Variants in CCDC166 observed in about 807,000 individuals in gnomAD.
CCDC166 encodes coiled-coil domain-containing protein 166.
In CCDC166, 17 loss-of-function variants were observed where a neutral mutation model predicts 14.4. That is an observed-to-expected ratio of 1.18 (90% CI 0.81 to 1.77). CCDC166 has a LOEUF of 1.77. Among genes scored for constraint, CCDC166 ranks in the 40% most tolerant of loss-of-function variants. The pLI is 0.00. For synonymous variants in CCDC166, 336 were observed against 330.1 expected, an observed-to-expected ratio of 1.02 and a Z score of -0.20; for missense variants, 738 against 665.8, an observed-to-expected ratio of 1.11 and a Z score of -1.19.
In CCDC166 at chr8:143,707,453, C is replaced by A; in HGVS notation, c.561G>T (p.Lys187Asn). ...GACGCGCCTCGCGCTCGAAGGCCGCCTTGTCCTCCAGGAAGCGCCGCTTCA... is the reference window on the plus strand; with the variant it reads ...GACGCGCCTCGCGCTCGAAGGCCGCATTGTCCTCCAGGAAGCGCCGCTTCA... ...HRVKRRFLED[K>N]AAFEREARQR... Residue 187 changes from lysine to asparagine, a missense_variant, in exon 2 of 2, where the codon AAG becomes AAT. By Grantham distance (94) the Lys-to-Asn change is moderately conservative. Coordinates refer to ENST00000542437, the MANE Select transcript of CCDC166 (RefSeq NM_001162914.1). This position sits in a 1 kb window ranked among gnomAD's most constrained non-coding sequence, Gnocchi z 8.0. The A allele has an allele frequency of 6.8e-7, 1 of 1,477,806 alleles. No individual in the cohort carries two copies. Among genetic ancestry groups the A allele is most frequent in the Non-Finnish European group, 8.9e-7 (1 of 1,122,006 alleles). 91.5% of individuals were successfully genotyped at this position (1,477,806 alleles called of 1,614,324 possible). A position where few individuals can be genotyped will look rare whatever the true frequency, so the allele number is the denominator to read the frequency against.
chr8:143,707,393 C>T lies in CCDC166; in HGVS notation c.621G>A (p.Arg207=), dbSNP rs1554616797. The T allele has an allele frequency of 1.4e-6, 2 of 1,425,614 alleles. No individual in the cohort carries two copies. 88.3% of individuals were successfully genotyped at this position (1,425,614 alleles called of 1,614,324 possible). Residue 207 remains arginine, a synonymous_variant, in exon 2 of 2, where the codon CGG becomes CGA. Coordinates refer to ENST00000542437, the MANE Select transcript of CCDC166 (RefSeq NM_001162914.1). This position sits in a 1 kb window ranked among gnomAD's most constrained non-coding sequence, Gnocchi z 8.0. ...GCGCCACAAGCGCGCGCACCGCCTC[C>T]CGCTCCGCGCGCCGCGCCAGTGACT... is the stretch of plus-strand genomic sequence containing the variant. ...RVQSLARRAE[R]EAVRALVAHT... is the part of the protein sequence containing the mutation.
Position 143,707,348 on chromosome 8 carries a change from C to G in CCDC166, c.666G>C (p.Ala222=). Residue 222 remains alanine (A), a synonymous_variant, in exon 2 of 2, where the codon GCG becomes GCC. Transcript: ENST00000542437. This position sits in a 1 kb window ranked among gnomAD's most constrained non-coding sequence, Gnocchi z 8.0. The stretch of plus-strand genomic sequence containing the variant: ...GCTCCTGCCGCAGGCGTCCGTTGTC[C>G]GCTTTGATGGCCTGCGTGTGCGCCA... ...ALVAHTQAIK[A]DNGRLRQELL... is the part of the protein sequence containing the mutation. 2 of 1,405,498 alleles carry G rather than the reference C, an allele frequency of 1.4e-6. No individual in the cohort carries two copies. The allele number at this position is 1,405,498 out of a possible 1,614,324, so 87.1% of individuals were successfully genotyped here.
At position 143,707,695 on chromosome 8, in the gene CCDC166, G is replaced by A; in HGVS notation, c.415C>T (p.Gln139Ter). 6.7e-7 allele frequency: 1 copy of A among 1,491,274 alleles called. No individual in the cohort carries two copies. Among genetic ancestry groups the A allele is most frequent in the Non-Finnish European group, 8.9e-7 (1 of 1,120,972 alleles). 92.4% of individuals were successfully genotyped at this position (1,491,274 alleles called of 1,614,324 possible). A position where few individuals can be genotyped will look rare whatever the true frequency, so the allele number is the denominator to read the frequency against. ...EMEARAAQMAQQVQELQPYKV... is the reference protein window; with the variant it reads ...EMEARAAQMA ...TAGGGCTGCAGCTCTTGCACCTGCT[G>A]TGCCATCTGTGCCGCGCGCGCCTCC... Residue 139 changes from glutamine (Q) to a stop codon, truncating the protein, a stop_gained, in exon 1 of 2, where the codon CAG (glutamine) becomes TAG (stop). Coordinates refer to ENST00000542437, the MANE Select transcript of CCDC166 (RefSeq NM_001162914.1). LOFTEE classifies it low-confidence loss of function (END_TRUNC). This position sits in a 1 kb window ranked among gnomAD's most constrained non-coding sequence, Gnocchi z 8.0.
Position 143,708,025 on chromosome 8 carries a change from C to A in CCDC166, c.85G>T (p.Glu29Ter). The part of the protein sequence containing the change: ...AAAGAEQPLS[E>*]RAQYLQREHA... ...TCGCGTTGCAGGTACTGCGCGCGCT[C>A]CGATAGCGGCTGCTCGGCACCCGCG... Residue 29 changes from glutamate to a stop codon, truncating the protein, a stop_gained, in exon 1 of 2, where the codon GAG (glutamate) becomes TAG (stop). Coordinates refer to ENST00000542437, the MANE Select transcript of CCDC166 (RefSeq NM_001162914.1). LOFTEE classifies it high-confidence loss of function. The A allele has an allele frequency of 4.0e-6, 6 of 1,507,674 alleles. No homozygotes were observed. Among genetic ancestry groups the A allele is most frequent in the Non-Finnish European group, 5.3e-6 (6 of 1,126,178 alleles). The allele number at this position is 1,507,674 out of a possible 1,614,324, so 93.4% of individuals were successfully genotyped here. A position where few individuals can be genotyped will look rare whatever the true frequency, so the allele number is the denominator to read the frequency against.
In CCDC166 at chr8:143,707,507, G is replaced by T; in HGVS notation, c.507C>A (p.Arg169=). 1 of 1,419,510 alleles carries T rather than the reference G, an allele frequency of 7.0e-7. No individual in the cohort carries two copies. Among genetic ancestry groups the T allele is most frequent in the Non-Finnish European group, 9.1e-7 (1 of 1,093,674 alleles). 87.9% of individuals were successfully genotyped at this position (1,419,510 alleles called of 1,614,324 possible). A position where few individuals can be genotyped will look rare whatever the true frequency, so the allele number is the denominator to read the frequency against. ...GGTGGAGCAGCTGCGTGTGCTCCACGCGCATATGCAGCAGCTCGCGCTCCA... is the reference window on the plus strand; with the variant it reads ...GGTGGAGCAGCTGCGTGTGCTCCACTCGCATATGCAGCAGCTCGCGCTCCA... The part of the protein sequence containing the change: ...RALERELLHM[R]VEHTQLLHRV... The change falls in exon 2 of 2, where the codon CGC becomes CGA. Residue 169 remains arginine (R), a synonymous_variant. Transcript: ENST00000542437. The surrounding 1 kb of genome is among the most constrained non-coding windows in gnomAD (Gnocchi z 8.0).
Position 143,706,706 on chromosome 8 carries a change from C to T in CCDC166, c.1308G>A (p.Pro436=), listed in dbSNP as rs782398679. Reference sequence around the variant, plus strand: ...ACTCTCTGCAGGTTCAGGCTCTACCCGGGGAGGCTTCTGCCGCAGCTTCAG... The same window carrying T: ...ACTCTCTGCAGGTTCAGGCTCTACCTGGGGAGGCTTCTGCCGCAGCTTCAG... ...VNAEAAAEAS[P]GRA Residue 436 remains proline, a synonymous_variant, in exon 2 of 2, where the codon CCG becomes CCA. Coordinates refer to ENST00000542437, the MANE Select transcript of CCDC166 (RefSeq NM_001162914.1). 3.2e-6 allele frequency: 5 copies of T among 1,543,740 alleles called. No homozygotes were observed. Among genetic ancestry groups the T allele is most frequent in the East Asian group, 2.5e-5 (1 of 40,714 alleles).
At position 143,707,683 on chromosome 8, in the gene CCDC166, C is replaced by T. The variant is rs1554616875; in HGVS notation, c.427G>A (p.Glu143Lys). 6.8e-7 allele frequency: 1 copy of T among 1,469,154 alleles called. No homozygotes were observed. Among genetic ancestry groups the T allele is most frequent in the Admixed American group, 2.3e-5 (1 of 43,788 alleles). The allele number at this position is 1,469,154 out of a possible 1,614,324, so 91.0% of individuals were successfully genotyped here. ...RAAQMAQQVQ[E>K]LQPYKVLQLE... is the part of the protein sequence containing the mutation. ...TCACTGGCCTTGTAGGGCTGCAGCT[C>T]TTGCACCTGCTGTGCCATCTGTGCC... Residue 143 changes from glutamate (E) to lysine (K), a missense_variant, in exon 1 of 2, where the codon GAG becomes AAG. Transcript: ENST00000542437. This position sits in a 1 kb window ranked among gnomAD's most constrained non-coding sequence, Gnocchi z 8.0.
In CCDC166 at chr8:143,706,997, T is replaced by C. The variant is rs1554616669; in HGVS notation, c.1017A>G (p.Leu339=). The part of the protein sequence containing the change: ...REASRVPSLV[L]SSMDSRVPSL... ...ATGGGACCCTGGAGTCCATGCTCGATAGCACCAACGAGGGGACCCGGGAAG... is the reference window on the plus strand; with the variant it reads ...ATGGGACCCTGGAGTCCATGCTCGACAGCACCAACGAGGGGACCCGGGAAG... Residue 339 remains leucine, a synonymous_variant, in exon 2 of 2, where the codon CTA becomes CTG. Coordinates refer to ENST00000542437, the MANE Select transcript of CCDC166 (RefSeq NM_001162914.1). 2.0e-5 allele frequency: 31 copies of C among 1,538,918 alleles called. No homozygotes were observed. Among genetic ancestry groups the C allele is most frequent in the Non-Finnish European group, 2.6e-5 (30 of 1,146,770 alleles).
chr8:143,707,613 C>A lies in CCDC166; in HGVS notation c.445-44G>T. On this transcript the variant is annotated intron_variant, in intron 1 of 1. Coordinates refer to ENST00000542437, the MANE Select transcript of CCDC166 (RefSeq NM_001162914.1). This position sits in a 1 kb window ranked among gnomAD's most constrained non-coding sequence, Gnocchi z 8.0. The stretch of plus-strand genomic sequence containing the variant: ...CAGCTCACCCCCACCCCGCCCCCGG[C>A]CCGGCCACCAGCCCCGCCCCGCCTC... 2.2e-6 allele frequency: 3 copies of A among 1,348,864 alleles called. No individual in the cohort carries two copies. Among genetic ancestry groups the A allele is most frequent in the Middle Eastern group, 2.8e-4 (1 of 3,620 alleles). The allele number at this position is 1,348,864 out of a possible 1,614,324, so 83.6% of individuals were successfully genotyped here.
Position 143,707,068 on chromosome 8 carries a change from A to G in CCDC166, c.946T>C (p.Ser316Pro). The change falls in exon 2 of 2, where the codon TCG becomes CCG. Residue 316 changes from serine (S) to proline (P), a missense_variant. By Grantham distance (74) the Ser-to-Pro change is moderately conservative. Transcript: ENST00000542437. This position sits in a 1 kb window ranked among gnomAD's most constrained non-coding sequence, Gnocchi z 8.0. Reference sequence around the variant, plus strand: ...GACGAGGCCCGGGGGGCCGCGCGCGACGGTACCACAGACGGGGTCTGGGAG... The same window carrying G: ...GACGAGGCCCGGGGGGCCGCGCGCGGCGGTACCACAGACGGGGTCTGGGAG... ...AASQTPSVVP[S>P]RAAPRASSVV... 6.5e-7 allele frequency: 1 copy of G among 1,532,116 alleles called. No individual in the cohort carries two copies. Among genetic ancestry groups the G allele is most frequent in the South Asian group, 1.2e-5 (1 of 83,790 alleles). 94.9% of individuals were successfully genotyped at this position (1,532,116 alleles called of 1,614,324 possible).
At position 143,707,444 on chromosome 8, in the gene CCDC166, G is replaced by T. The variant is rs1458919888; in HGVS notation, c.570C>A (p.Phe190Leu). Reference protein sequence around the residue: ...KRRFLEDKAAFEREARQRVQS... With the variant: ...KRRFLEDKAALEREARQRVQS... ...GCACGCGCTGACGCGCCTCGCGCTC[G>T]AAGGCCGCCTTGTCCTCCAGGAAGC... Residue 190 changes from phenylalanine (F) to leucine (L), a missense_variant, in exon 2 of 2, where the codon TTC becomes TTA. Phe to Leu is a conservative substitution (Grantham distance 22, BLOSUM62 0). Coordinates refer to ENST00000542437, the MANE Select transcript of CCDC166 (RefSeq NM_001162914.1). The surrounding 1 kb of genome is among the most constrained non-coding windows in gnomAD (Gnocchi z 8.0). The T allele has an allele frequency of 8.8e-6, 13 of 1,476,076 alleles. No homozygotes were observed. In the African/African-American group the frequency reaches 8.9e-5, roughly 10 times the overall value. The allele number at this position is 1,476,076 out of a possible 1,614,324, so 91.4% of individuals were successfully genotyped here. A position where few individuals can be genotyped will look rare whatever the true frequency, so the allele number is the denominator to read the frequency against.
Position 143,707,234 on chromosome 8 carries a change from C to T in CCDC166, c.780G>A (p.Glu260=), listed in dbSNP as rs1300621758. 3.5e-6 allele frequency: 5 copies of T among 1,433,948 alleles called. No individual in the cohort carries two copies. The African/African-American group carries it at 6.0e-5, about 17-fold the overall frequency. The allele number at this position is 1,433,948 out of a possible 1,614,324, so 88.8% of individuals were successfully genotyped here. ...GCACACGCGCCAGGTCCCGCGTGTC[C>T]TCGTGCTCGCGGTGCAGTTGCTCGC... ...EQREQLHREH[E]DTRDLARVHG... The change falls in exon 2 of 2, where the codon GAG becomes GAA. Residue 260 remains glutamate, a synonymous_variant. Coordinates refer to ENST00000542437, the MANE Select transcript of CCDC166 (RefSeq NM_001162914.1). This position sits in a 1 kb window ranked among gnomAD's most constrained non-coding sequence, Gnocchi z 8.0.
chr8:143,707,438 G>C lies in CCDC166; in HGVS notation c.576C>G (p.Arg192=). The stretch of plus-strand genomic sequence containing the variant: ...GTGACTGCACGCGCTGACGCGCCTC[G>C]CGCTCGAAGGCCGCCTTGTCCTCCA... ...RFLEDKAAFE[R]EARQRVQSLA... Residue 192 remains arginine, a synonymous_variant, in exon 2 of 2, where the codon CGC becomes CGG. Transcript: ENST00000542437. The surrounding 1 kb of genome is among the most constrained non-coding windows in gnomAD (Gnocchi z 8.0). 2.7e-6 allele frequency: 4 copies of C among 1,475,722 alleles called. No individual in the cohort carries two copies. Among genetic ancestry groups the C allele is most frequent in the Non-Finnish European group, 3.6e-6 (4 of 1,121,110 alleles). 91.4% of individuals were successfully genotyped at this position (1,475,722 alleles called of 1,614,324 possible).
chr8:143,707,776 G>A lies in CCDC166; in HGVS notation c.334C>T (p.Leu112=). 4 of 1,539,958 alleles carry A rather than the reference G, an allele frequency of 2.6e-6. No homozygotes were observed. The highest frequency in any genetic ancestry group is 1.2e-5 in the South Asian group (1 of 84,014). The change falls in exon 1 of 2, where the codon CTG becomes TTG. Residue 112 remains leucine, a synonymous_variant. Transcript: ENST00000542437. The surrounding 1 kb of genome is among the most constrained non-coding windows in gnomAD (Gnocchi z 8.0). ...LAQIHWQRAE[L]ASLYHGREDG... ...TCGCGCCCGTGGTAGAGCGAGGCCA[G>A]TTCCGCCCGCTGCCAGTGGATCTGC...
Position 143,707,438 on chromosome 8 carries a change from G to A in CCDC166, c.576C>T (p.Arg192=), listed in dbSNP as rs782508870. Residue 192 remains arginine (R), a synonymous_variant, in exon 2 of 2, where the codon CGC becomes CGT. Transcript: ENST00000542437. This position sits in a 1 kb window ranked among gnomAD's most constrained non-coding sequence, Gnocchi z 8.0. Reference sequence around the variant, plus strand: ...GTGACTGCACGCGCTGACGCGCCTCGCGCTCGAAGGCCGCCTTGTCCTCCA... The same window carrying A: ...GTGACTGCACGCGCTGACGCGCCTCACGCTCGAAGGCCGCCTTGTCCTCCA... ...RFLEDKAAFE[R]EARQRVQSLA... 25 of 1,475,722 alleles carry A rather than the reference G, an allele frequency of 1.7e-5. No homozygotes were observed. In the South Asian group the frequency reaches 3.2e-4, roughly 19 times the overall value. The allele number at this position is 1,475,722 out of a possible 1,614,324, so 91.4% of individuals were successfully genotyped here.
At position 143,707,615 on chromosome 8, in the gene CCDC166, C is replaced by G. The variant is rs1243025627; in HGVS notation, c.445-46G>C. The stretch of plus-strand genomic sequence containing the variant: ...GCTCACCCCCACCCCGCCCCCGGCC[C>G]GGCCACCAGCCCCGCCCCGCCTCAC... On this transcript the variant is annotated intron_variant, in intron 1 of 1. Transcript: ENST00000542437. This position sits in a 1 kb window ranked among gnomAD's most constrained non-coding sequence, Gnocchi z 8.0. 3.0e-6 allele frequency: 4 copies of G among 1,350,872 alleles called. No homozygotes were observed. The highest frequency in any genetic ancestry group is 3.8e-6 in the Non-Finnish European group (4 of 1,057,292). The allele number at this position is 1,350,872 out of a possible 1,614,324, so 83.7% of individuals were successfully genotyped here.
rs1554616875 is a variant in CCDC166, at chr8:143,707,683, C to G, written c.427G>C (p.Glu143Gln). 8 of 1,469,154 alleles carry G rather than the reference C, an allele frequency of 5.4e-6. No individual in the cohort carries two copies. The highest frequency in any genetic ancestry group is 7.2e-6 in the Non-Finnish European group (8 of 1,111,048). The allele number at this position is 1,469,154 out of a possible 1,614,324, so 91.0% of individuals were successfully genotyped here. Residue 143 changes from glutamate to glutamine, a missense_variant, in exon 1 of 2, where the codon GAG becomes CAG. Transcript: ENST00000542437. This position sits in a 1 kb window ranked among gnomAD's most constrained non-coding sequence, Gnocchi z 8.0. ...TCACTGGCCTTGTAGGGCTGCAGCT[C>G]TTGCACCTGCTGTGCCATCTGTGCC... ...RAAQMAQQVQ[E>Q]LQPYKVLQLE... is the part of the protein sequence containing the mutation.
Position 143,707,890 on chromosome 8 carries a change from G to A in CCDC166, c.220C>T (p.Arg74Trp), listed in dbSNP as rs1326426041. 5 of 1,537,932 alleles carry A rather than the reference G, an allele frequency of 3.3e-6. No homozygotes were observed. The East Asian group carries it at 9.8e-5, about 30-fold the overall frequency. ...GCGCTCACGTAGCTGGCGTAGAGCC[G>A]GTTCTCCTCGCGCAGGCGCAGCGCC... ...REALRLREENRLYASYVSARA... is the reference protein window; with the variant it reads ...REALRLREENWLYASYVSARA... The change falls in exon 1 of 2, where the codon CGG becomes TGG. Residue 74 changes from arginine (R) to tryptophan (W), a missense_variant. Arg to Trp is a moderately radical substitution (Grantham distance 101). Transcript: ENST00000542437. The surrounding 1 kb of genome is among the most constrained non-coding windows in gnomAD (Gnocchi z 8.0).
Position 143,706,819 on chromosome 8 carries a change from T to C in CCDC166, c.1195A>G (p.Thr399Ala). ...RVSSQDTLRSTKSGPKLLSGL... is the reference protein window; with the variant it reads ...RVSSQDTLRSAKSGPKLLSGL... ...GAGAGAAGCTTGGGGCCAGACTTCG[T>C]GGAGCGGAGAGTGTCCTGTGAGGAC... The change falls in exon 2 of 2, where the codon ACG becomes GCG. Residue 399 changes from threonine (T) to alanine (A), a missense_variant. Transcript: ENST00000542437. 6.4e-7 allele frequency: 1 copy of C among 1,551,034 alleles called. No homozygotes were observed. The highest frequency in any genetic ancestry group is 8.7e-7 in the Non-Finnish European group (1 of 1,146,948).
Sources: allele counts gnomAD v4.1 joint callset, GRCh38; gene constraint gnomAD v4.1.1; non-coding constraint Gnocchi (gnomAD v3.1); transcripts MANE v1.5; gene names NCBI Gene and HGNC (gene_info 2026-07-23, HGNC 2026-07-21).